The following RNF212 variants were observed in gnomAD, a reference collection of about 807,000 sequenced individuals.
RNF212 encodes probable E3 SUMO-protein ligase RNF212.
RNF212 carries 33 observed loss-of-function variants against 34.7 expected under a neutral mutation model. That is an observed-to-expected ratio of 0.95 (90% CI 0.72 to 1.27). The LOEUF is 1.27. Ranked by LOEUF, RNF212 falls within the 50% of genes most tolerant of loss-of-function variation. RNF212 has a pLI of 0.00. For synonymous variants in RNF212, 140 were observed against 136.1 expected (o/e 1.03, Z -0.20); for missense variants, 377 against 362.2 (o/e 1.04, Z -0.33).
chr4:1,072,837 A>C lies in RNF212; in HGVS notation c.*37T>G, dbSNP rs1454906566. On this transcript the variant is annotated 3_prime_UTR_variant, in exon 10 of 10. Transcript: ENST00000433731. ...GAAAAAACACAGAGGAATAAATTGA[A>C]AACACTCAGAATCATTAATAGTCAC... 4 of 1,528,252 alleles carry C rather than the reference A, an allele frequency of 2.6e-6. No individual in the cohort carries two copies. The African/African-American group carries it at 4.2e-5, about 16-fold the overall frequency. The allele number at this position is 1,528,252 out of a possible 1,614,324, so 94.7% of individuals were successfully genotyped here.
chr4:1,089,503 A>C (rs1197936478), intron 4 of RNF212, among the ~76,000 whole-genome samples: 2 of 152,142 alleles, frequency 1.3e-5, no homozygotes, highest in Non-Finnish European at 2.9e-5. Flanking sequence ...TTGGGCTTGG[A>C]CTTCTGAGTT....
At position 1,072,355 on chromosome 4, in the gene RNF212, C is replaced by G. The variant is rs1718593295; in HGVS notation, c.*519G>C. ...CATGTCACTAGATATTTGTTCAAAC[C>G]CATAGAACATTCGACACCTAGAGTG... On this transcript the variant is annotated 3_prime_UTR_variant, in exon 10 of 10. Coordinates refer to ENST00000433731, the MANE Select transcript of RNF212 (RefSeq NM_001131034.4). 1.9e-5 allele frequency: 3 copies of G among 155,530 alleles called. No homozygotes were observed. Among genetic ancestry groups the G allele is most frequent in the Admixed American group, 1.9e-4 (3 of 15,700 alleles). 9.6% of individuals were successfully genotyped at this position (155,530 alleles called of 1,614,324 possible).
At chr4:1,079,780 A>C in intron 7 of RNF212, 92 bp from the exon 8 acceptor site, 1 of 877,724 alleles carries the variant, frequency 1.1e-6, no homozygotes, top group Non-Finnish European at 2.0e-6. Flanking sequence ...ATGATGTGTA[A>C]ATGTCTAAAT....
At chr4:1,105,752 C>T (rs576249792) in intron 2 of RNF212, among the ~76,000 whole-genome samples, 5 of 152,348 alleles carry the variant, frequency 3.3e-5, no homozygotes, top group East Asian at 1.9e-4. Context: ...GTCCTTCCAC[C>T]GCAGGTCAGG....
chr4:1,101,185 A>C, intron 2 of RNF212: 1 of 233,518 alleles, frequency 4.3e-6, no homozygotes, highest in Non-Finnish European at 8.9e-6. Context: ...CCACGGGCCT[A>C]ACGACTGGCA....
downstream of RNF212, among the ~76,000 whole-genome samples, chr4:1,067,415 G>A (rs904281105): frequency 2.0e-5 from 3 of 151,966 alleles, no homozygotes; most frequent in Non-Finnish European, 4.4e-5. Flanking sequence ...GATTATAATA[G>A]ATCAAAAAAA....
In RNF212 at chr4:1,060,779, C is replaced by T. The variant is rs189519849; in HGVS notation, n.148-2386G>A. Among the ~76,000 whole-genome samples the T allele has an allele frequency of 1.8e-3, 267 of 152,358 alleles. 2 individuals carry two copies. Among genetic ancestry groups the T allele is most frequent in the African/African-American group, 6.1e-3 (252 of 41,580 alleles). ...CGCGTACTGAAGAGTGAGCGCCCTG[C>T]GCCCCTGCTGACAGGTCAGACAGCC... On this transcript the variant is annotated intron_variant and non_coding_transcript_variant, in intron 3 of 4. Coordinates refer to the RNF212 transcript ENST00000503206.
chr4:1,062,981 A>T (rs1032167322), intron 3 of RNF212, among the ~76,000 whole-genome samples: 2 of 152,260 alleles, frequency 1.3e-5, no homozygotes. Context: ...CAAAATACTT[A>T]GGAATAAATT....
chr4:1,088,861 T>A (rs893751652), intron 4 of RNF212, among the ~76,000 whole-genome samples: 4 of 152,216 alleles, frequency 2.6e-5, no homozygotes, highest in African/African-American at 9.6e-5. Flanking sequence ...CACATGGTAT[T>A]GGGCCTGCAT....
At chr4:1,102,436 G>C (rs555569744) in intron 2 of RNF212, among the ~76,000 whole-genome samples, 8 of 152,138 alleles carry the variant, frequency 5.3e-5, no homozygotes, top group Admixed American at 3.3e-4. Context: ...GCATCTGACT[G>C]GAAAAATCTC....
At chr4:1,080,683 C>A (rs539669594) in intron 7 of RNF212, among the ~76,000 whole-genome samples, 2 of 150,670 alleles carry the variant, frequency 1.3e-5, no homozygotes, top group Admixed American at 1.3e-4. Context: ...GCCCACGAGA[C>A]CCCTCTCTGC....
At chr4:1,079,131 TAGGACCAACAC>T (rs1203102068) in intron 8 of RNF212, among the ~76,000 whole-genome samples, 1 of 140,864 alleles carries the variant, frequency 7.1e-6, no homozygotes, top group Non-Finnish European at 1.5e-5. Flanking sequence ...AGGACCAACA[TAGGACCAACAC>T]AGGGTCAACA....
chr4:1,067,981 A>G (rs1001392245), downstream of RNF212, among the ~76,000 whole-genome samples: 1 of 152,214 alleles, frequency 6.6e-6, no homozygotes, highest in African/African-American at 2.4e-5. Context: ...GCTCTAATCA[A>G]TGGAGAGACA....
intron 3 of RNF212, among the ~76,000 whole-genome samples, chr4:1,060,555 A>AC (rs33995683): frequency 0.81 from 123,445 of 152,178 alleles, 50,787 homozygotes; most frequent in African/African-American, 0.94. Context: ...CAGAGGGATA[A>AC]CCATTCCCAC....
At chr4:1,107,559 C>T (rs1212194653) in intron 2 of RNF212, among the ~76,000 whole-genome samples, 1 of 151,968 alleles carries the variant, frequency 6.6e-6, no homozygotes, top group Non-Finnish European at 1.5e-5. Flanking sequence ...CACGCATTCT[C>T]CTGCCTCAGC....
intron 1 of RNF212, among the ~76,000 whole-genome samples, chr4:1,109,511 A>G (rs183192930): frequency 6.6e-6 from 1 of 152,278 alleles, no homozygotes. Flanking sequence ...GGGCCAGTGC[A>G]GCTAAGAACT....
At chr4:1,111,694 T>C (rs1176555477) in intron 1 of RNF212, among the ~76,000 whole-genome samples, 1 of 152,208 alleles carries the variant, frequency 6.6e-6, no homozygotes, top group Non-Finnish European at 1.5e-5. Flanking sequence ...GAGACACTTT[T>C]GTTTTTAAAT....
At chr4:1,063,594 A>G (rs1245752041) in intron 3 of RNF212, among the ~76,000 whole-genome samples, 4 of 151,794 alleles carry the variant, frequency 2.6e-5, no homozygotes, top group Non-Finnish European at 5.9e-5. Context: ...CCAGCTCGTC[A>G]GGAGGCTGAG....
chr4:1,068,933 C>T (rs1307571706), downstream of RNF212, among the ~76,000 whole-genome samples: 3 of 152,146 alleles, frequency 2.0e-5, no homozygotes, highest in South Asian at 2.1e-4. Context: ...TATGGCTGGA[C>T]GCAATGGCTC....
Sources: allele counts gnomAD v4.1 joint callset (sites outside exome capture counted in the v4.1 genomes callset), GRCh38; gene constraint gnomAD v4.1.1; transcripts MANE v1.5; gene names NCBI Gene and HGNC (gene_info 2026-07-23, HGNC 2026-07-21).